Variants in CPA5 observed in about 807,000 individuals in gnomAD.
CPA5 encodes the protein carboxypeptidase A5.
In CPA5, 38 loss-of-function variants were observed where a neutral mutation model predicts 52.2. The observed-to-expected ratio is 0.73, with a 90% CI of 0.56 to 0.95. CPA5 has a LOEUF of 0.95. CPA5 is among the 40% of genes least tolerant of loss of function. The probability of loss-of-function intolerance (pLI) is 0.00; values close to 1 mark genes in which losing one functional copy is unlikely to be tolerated. For synonymous variants in CPA5, 198 were observed against 213.7 expected, an observed-to-expected ratio of 0.93 and a Z score of 0.64; for missense variants, 519 against 566.7, an observed-to-expected ratio of 0.92 and a Z score of 0.86.
chr7:130,358,357 G>A (rs1795608736), intron 5 of CPA5, among the ~76,000 whole-genome samples: 6 of 152,092 alleles, frequency 3.9e-5, no homozygotes. Context: ...AGGAACCCAA[G>A]GGTACAGACT....
rs570531732 is a variant in CPA5, at chr7:130,355,658, C to T, written c.334-3931C>T. ...CGGAGGCCTCAAGTGATCCATCTGC[C>T]TTGGCATCCCAAAGTGCTGGGATTA... On this transcript the variant is annotated intron_variant, in intron 5 of 12. Transcript: ENST00000474905. 3.9e-5 allele frequency among the ~76,000 whole-genome samples: 6 copies of T among 152,362 alleles called. No homozygotes were observed. The South Asian group carries it at 1.2e-3, about 32-fold the overall frequency.
At chr7:130,372,105 CATCTTCTCCT>C (rs1309558642), downstream of CPA5, among the ~76,000 whole-genome samples, 1 of 152,242 alleles carries the variant, frequency 6.6e-6, no homozygotes, top group Non-Finnish European at 1.5e-5. Flanking sequence ...ACTGGAAGTA[CATCTTCTCCT>C]ATTATTCTCT....
intron 5 of CPA5, among the ~76,000 whole-genome samples, chr7:130,353,236 TGTCC>T (rs1554404438): frequency 2.5e-5 from 1 of 39,756 alleles, no homozygotes; most frequent in East Asian, 9.4e-4. Context: ...TCTCCATCCC[TGTCC>T]GCCAGCAGGC....
At chr7:130,362,663 T>C in intron 8 of CPA5, 124 bp downstream of exon 8, 1 of 711,190 alleles carries the variant, frequency 1.4e-6, no homozygotes, top group Non-Finnish European at 2.4e-6. Context: ...CATCCCGCCC[T>C]TTGGAGCAGC....
intron 5 of CPA5, among the ~76,000 whole-genome samples, chr7:130,350,983 A>G (rs1554403805): frequency 6.6e-6 from 1 of 152,184 alleles, no homozygotes; most frequent in Non-Finnish European, 1.5e-5. Flanking sequence ...ACCTTGTTGT[A>G]TGGCGCTAAT....
chr7:130,367,135 G>A (rs1436912261), intron 10 of CPA5, among the ~76,000 whole-genome samples: 1 of 148,754 alleles, frequency 6.7e-6, no homozygotes, highest in East Asian at 2.0e-4. Flanking sequence ...TTTTTTTTTT[G>A]CTTCCAGCCA....
chr7:130,369,998 C>T (rs4731689), downstream of CPA5, among the ~76,000 whole-genome samples: 51,232 of 152,080 alleles, frequency 0.34, 8,835 homozygotes, highest in Admixed American at 0.44. Context: ...GACTAATGGC[C>T]GAAGAAGGAG....
intron 4 of CPA5, among the ~76,000 whole-genome samples, chr7:130,349,656 A>G (rs890513326): frequency 8.9e-5 from 13 of 145,944 alleles, no homozygotes; most frequent in Non-Finnish European, 1.5e-4. Context: ...ATCATTACAC[A>G]TTGTATACCT....
At chr7:130,359,890 G>C (rs1795697665) in intron 6 of CPA5, among the ~76,000 whole-genome samples, 1 of 152,226 alleles carries the variant, frequency 6.6e-6, no homozygotes, top group African/African-American at 2.4e-5. Context: ...AATTCAGATA[G>C]AGGGGACAGT....
chr7:130,355,828 G>A (rs1554405078), intron 5 of CPA5, among the ~76,000 whole-genome samples: 1 of 152,222 alleles, frequency 6.6e-6, no homozygotes, highest in Non-Finnish European at 1.5e-5. Context: ...CAGGATCAGG[G>A]TTTAACCTGA....
chr7:130,350,015 T>C lies in CPA5; in HGVS notation c.239T>C (p.Val80Ala). The C allele has an allele frequency of 6.2e-7, 1 of 1,614,006 alleles. No individual in the cohort carries two copies. The highest frequency in any genetic ancestry group is 8.5e-7 in the Non-Finnish European group (1 of 1,179,956). ...GGCCCAGCCAGGCCCAGCCTCCCTGTGGATATGAGAGTTCCTTTCTCTGAA... is the reference window on the plus strand; with the variant it reads ...GGCCCAGCCAGGCCCAGCCTCCCTGCGGATATGAGAGTTCCTTTCTCTGAA... The part of the protein sequence containing the change: ...WRGPARPSLP[V>A]DMRVPFSELK... The change falls in exon 5 of 13, where the codon GTG becomes GCG. Residue 80 changes from valine to alanine, a missense_variant. Transcript: ENST00000474905.
In CPA5 at chr7:130,367,581, G is replaced by A. The variant is rs1796167736; in HGVS notation, c.1038+10G>A. 6 of 1,610,618 alleles carry A rather than the reference G, an allele frequency of 3.7e-6. No individual in the cohort carries two copies. The highest frequency in any genetic ancestry group is 5.1e-6 in the Non-Finnish European group (6 of 1,177,050). The stretch of plus-strand genomic sequence containing the variant: ...AAATCAGAGGGAGTTGGTGAGACTG[G>A]CTGCTTAGGGCCTGGGGAGAAGAGA... On this transcript the variant is annotated intron_variant, in intron 11 of 12. Transcript: ENST00000474905.
At chr7:130,353,633 T>A (rs1446306674) in intron 5 of CPA5, among the ~76,000 whole-genome samples, 2 of 151,916 alleles carry the variant, frequency 1.3e-5, no homozygotes, top group African/African-American at 2.4e-5. Flanking sequence ...TTCCTCAAAC[T>A]CCCCATCAAC....
rs1218176266 is a variant in CPA5, at chr7:130,363,591, T to C, written c.838+82T>C. 33 of 1,159,864 alleles carry C rather than the reference T, an allele frequency of 2.8e-5. No individual in the cohort carries two copies. In the Admixed American group the frequency reaches 3.2e-4, roughly 11 times the overall value. The allele number at this position is 1,159,864 out of a possible 1,614,324, so 71.8% of individuals were successfully genotyped here. ...GGTTCTCCCACTCAGTCAGATTATG[T>C]TGACTCAACTTGGGAGGCATGGGAC... is the stretch of plus-strand genomic sequence containing the variant. On this transcript the variant is annotated intron_variant, in intron 10 of 12. Coordinates refer to ENST00000474905, the MANE Select transcript of CPA5 (RefSeq NM_080385.5).
chr7:130,348,339 A>G (rs1314564790), intron 4 of CPA5, among the ~76,000 whole-genome samples: 2 of 152,066 alleles, frequency 1.3e-5, no homozygotes, highest in African/African-American at 2.4e-5. Flanking sequence ...ATTTTCTTTA[A>G]CTTTGACTAT....
Position 130,368,003 on chromosome 7 carries a change from C to T in CPA5, c.1123+13C>T. On this transcript the variant is annotated intron_variant, in intron 12 of 12. Coordinates refer to ENST00000474905, the MANE Select transcript of CPA5 (RefSeq NM_080385.5). ...AGCACCACCCTCTGTGAGTGAGCCT[C>T]CCCTGGCCCTGCTTCAGACACCACA... The T allele has an allele frequency of 6.2e-7, 1 of 1,611,460 alleles. No homozygotes were observed. Among genetic ancestry groups the T allele is most frequent in the Non-Finnish European group, 8.5e-7 (1 of 1,177,530 alleles).
In CPA5 at chr7:130,362,702, G is replaced by A. The variant is rs111541256; in HGVS notation, c.636+163G>A. Among the ~76,000 whole-genome samples, 287 of 152,276 alleles carry A rather than the reference G, an allele frequency of 1.9e-3. 4 individuals carry two copies. The highest frequency in any genetic ancestry group is 6.4e-3 in the African/African-American group (266 of 41,558). ...CGTGCACTCTTACCTTTTGCAGCAC[G>A]GAGCCCACATTGATCCCCTGCCTTC... On this transcript the variant is annotated intron_variant, in intron 8 of 12. Transcript: ENST00000474905.
chr7:130,348,607 A>G (rs1794924331), intron 4 of CPA5, among the ~76,000 whole-genome samples: 1 of 152,180 alleles, frequency 6.6e-6, no homozygotes, highest in Non-Finnish European at 1.5e-5. Context: ...GTCTGTGTTC[A>G]TGTCCCAGAT....
At chr7:130,364,128 G>T (rs1795948185) in intron 10 of CPA5, among the ~76,000 whole-genome samples, 1 of 151,678 alleles carries the variant, frequency 6.6e-6, no homozygotes, top group African/African-American at 2.4e-5. Flanking sequence ...CCTGGGCTCA[G>T]GTGATCCTCC....
Sources: gnomAD v4.1 joint callset for allele counts (sites outside exome capture counted in the v4.1 genomes callset) on GRCh38, gnomAD v4.1.1 for gene constraint, MANE v1.5 for transcripts, NCBI Gene and HGNC (gene_info 2026-07-23, HGNC 2026-07-21) for gene names.